The following PRKN variants were observed in gnomAD, a reference collection of about 807,000 sequenced individuals.
PRKN encodes parkin RBR E3 ubiquitin protein ligase, also known as E3 ubiquitin-protein ligase parkin.
A neutral mutation model predicts 59.5 loss-of-function variants in PRKN; 56 were observed. The ratio of observed to expected loss-of-function variants is 0.94; its 90% CI spans 0.76 to 1.18. The LOEUF (loss-of-function observed/expected upper bound fraction) is 1.18. Among genes scored for constraint, PRKN ranks in the 50% most tolerant of loss-of-function variants. The probability of loss-of-function intolerance (pLI) is 0.00; values close to 1 mark genes in which losing one functional copy is unlikely to be tolerated. For missense variants in PRKN, 657 were observed against 596.4 expected (o/e 1.10, Z -1.06); for synonymous variants, 250 against 222.1 (o/e 1.13, Z -1.12).
chr6:161,830,294 C>T (rs1375170920), intron 6 of PRKN, among the ~76,000 whole-genome samples: 3 of 151,672 alleles, frequency 2.0e-5, no homozygotes, highest in African/African-American at 7.3e-5. Context: ...CTCTGTTGCC[C>T]AGGCTGGAGT....
chr6:162,706,146 A>T (rs1408753065), intron 1 of PRKN, among the ~76,000 whole-genome samples: 1 of 152,014 alleles, frequency 6.6e-6, no homozygotes, highest in East Asian at 1.9e-4. Context: ...AAAAAAAAAA[A>T]AAAAGACCAC....
Position 161,598,021 on chromosome 6 carries a change from C to G in PRKN, c.872-28605G>C, listed in dbSNP as rs371520877. On this transcript the variant is annotated intron_variant, in intron 7 of 11. Transcript: ENST00000366898. ...TTCTCAAAGGTGTCAGTAATCAAAA[C>G]AAAACATAACAAAATTAAGAACTAG... Among the ~76,000 whole-genome samples, 185 of 152,228 alleles carry G rather than the reference C, an allele frequency of 1.2e-3. 1 individual carries two copies. The South Asian group carries it at 0.036, about 29-fold the overall frequency.
At chr6:162,658,242 T>C (rs1343297525) in intron 1 of PRKN, among the ~76,000 whole-genome samples, 1 of 152,244 alleles carries the variant, frequency 6.6e-6, no homozygotes, top group East Asian at 1.9e-4. Context: ...TTCAACTTTC[T>C]TTCTGTAGAG....
chr6:161,712,652 GAAAC>G lies in PRKN; in HGVS notation c.871+73116_871+73119del, dbSNP rs532695462. On this transcript the variant is annotated intron_variant, in intron 7 of 11. Transcript: ENST00000366898. ...CATATGGATCTAAGTTCTTCTGTAA[GAAAC>G]AACACAGATGAACTCTACTCTCTTT... Among the ~76,000 whole-genome samples, 482 of 152,160 alleles carry G rather than the reference GAAAC, an allele frequency of 3.2e-3. 2 individuals are homozygous for G. The highest frequency in any genetic ancestry group is 0.011 in the African/African-American group (468 of 41,514).
intron 3 of PRKN, among the ~76,000 whole-genome samples, chr6:162,213,368 T>A (rs951741521): frequency 6.6e-6 from 1 of 152,148 alleles, no homozygotes; most frequent in Non-Finnish European, 1.5e-5. Flanking sequence ...TGAGATGTAT[T>A]CCGAAACACC....
At chr6:162,164,964 G>A (rs1017560158) in intron 4 of PRKN, among the ~76,000 whole-genome samples, 1 of 148,894 alleles carries the variant, frequency 6.7e-6, no homozygotes, top group Non-Finnish European at 1.5e-5. Context: ...AATGTACCAT[G>A]TCTAAACCTA....
chr6:161,513,336 G>A (rs1778465103), intron 9 of PRKN, among the ~76,000 whole-genome samples: 1 of 152,108 alleles, frequency 6.6e-6, no homozygotes, highest in African/African-American at 2.4e-5. Flanking sequence ...CGCCCCCCGG[G>A]TTCAAGTGAT....
intron 1 of PRKN, among the ~76,000 whole-genome samples, chr6:162,493,058 G>A (rs1226520407): frequency 5.3e-5 from 8 of 151,538 alleles, no homozygotes; most frequent in African/African-American, 1.9e-4. Flanking sequence ...TGCTCATGCA[G>A]AAGACATGTA....
chr6:162,213,420 C>CT (rs138819932), intron 3 of PRKN, among the ~76,000 whole-genome samples: 3,084 of 152,048 alleles, frequency 0.02, 100 homozygotes, highest in African/African-American at 0.071. Context: ...GGGAAGGAGC[C>CT]TAGCATGCTC....
At chr6:161,422,966 T>C (rs1788172857) in intron 9 of PRKN, among the ~76,000 whole-genome samples, 1 of 152,166 alleles carries the variant, frequency 6.6e-6, no homozygotes. Context: ...GACCAAAATA[T>C]GAGACAAGCT....
chr6:162,507,359 G>C (rs975539287), intron 1 of PRKN, among the ~76,000 whole-genome samples: 2 of 152,034 alleles, frequency 1.3e-5, no homozygotes, highest in Non-Finnish European at 2.9e-5. Context: ...GAAATCCAAA[G>C]ATGGACCCTG....
rs1785019590 is a variant in PRKN, at chr6:161,362,614, C to T, written c.1168-2409G>A. 6.6e-6 allele frequency among the ~76,000 whole-genome samples: 1 copy of T among 152,190 alleles called. No individual in the cohort carries two copies. Among genetic ancestry groups the T allele is most frequent in the African/African-American group, 2.4e-5 (1 of 41,434 alleles). On this transcript the variant is annotated intron_variant, in intron 10 of 11. Transcript: ENST00000366898. The surrounding 1 kb of genome is among the most constrained non-coding windows in gnomAD (Gnocchi z 5.2). ...AAACATTTTTCTGAACATTCCTAAC[C>T]ATCAGGCCTCGGACACGAGGGTTGG...
At chr6:162,481,448 GA>G (rs201126348) in intron 1 of PRKN, among the ~76,000 whole-genome samples, 38 of 151,830 alleles carry the variant, frequency 2.5e-4, no homozygotes, top group Admixed American at 1.3e-3. Context: ...ACTGGTGGGG[GA>G]AAAAAAAGCA....
chr6:161,867,178 C>T (rs1285231775), intron 6 of PRKN, among the ~76,000 whole-genome samples: 9 of 152,074 alleles, frequency 5.9e-5, no homozygotes, highest in African/African-American at 2.2e-4. Context: ...AGATTGGAAA[C>T]CCTTAGAATT....
At chr6:162,324,046 C>T (rs1388518872) in intron 2 of PRKN, among the ~76,000 whole-genome samples, 1 of 152,058 alleles carries the variant, frequency 6.6e-6, no homozygotes, top group Non-Finnish European at 1.5e-5. Flanking sequence ...CACCTGTATA[C>T]AGGTGTGCAA....
chr6:162,700,584 G>T (rs1238608662), intron 1 of PRKN, among the ~76,000 whole-genome samples: 1 of 152,098 alleles, frequency 6.6e-6, no homozygotes, highest in Admixed American at 6.6e-5. Context: ...TACATTTTGA[G>T]AATTCAGTGA....
At chr6:161,800,709 C>T (rs767657856) in intron 6 of PRKN, among the ~76,000 whole-genome samples, 60 of 152,030 alleles carry the variant, frequency 3.9e-4, no homozygotes, top group African/African-American at 1.2e-3. Context: ...AGGGGAGTGA[C>T]GGCACTGGGG....
chr6:162,112,740 A>G (rs1780495182), intron 4 of PRKN, among the ~76,000 whole-genome samples: 2 of 151,908 alleles, frequency 1.3e-5, no homozygotes, highest in Admixed American at 1.3e-4. Context: ...GGAGTTCAAG[A>G]TCAGCTTCAG....
rs1486852169 is a variant in PRKN at position 161,832,957 on chromosome 6, C to A, written c.735-47049G>T. ...TGGGAGGTGATAGTGAGTGTCCCCC[C>A]ATCCCCGGCCGATTGAGGAGCAGTC... On this transcript the variant is annotated intron_variant, in intron 6 of 11. Coordinates refer to ENST00000366898, the MANE Select transcript of PRKN (RefSeq NM_004562.3). 2.0e-5 allele frequency among the ~76,000 whole-genome samples: 3 copies of A among 152,098 alleles called. No homozygotes were observed. In the East Asian group the frequency reaches 5.8e-4, roughly 29 times the overall value.
Sources: gnomAD v4.1 joint callset for allele counts (sites outside exome capture counted in the v4.1 genomes callset) on GRCh38, gnomAD v4.1.1 for gene constraint, Gnocchi (gnomAD v3.1) non-coding constraint, MANE v1.5 for transcripts, NCBI Gene and HGNC (gene_info 2026-07-23, HGNC 2026-07-21) for gene names.